The following CACNA1A variants were observed in gnomAD, a reference collection of about 807,000 sequenced individuals.
CACNA1A encodes the protein calcium voltage-gated channel subunit alpha1 A.
In CACNA1A, 57 loss-of-function variants were observed where a neutral mutation model predicts 262.4. The observed-to-expected ratio is 0.22, with a 90% CI of 0.18 to 0.27. CACNA1A has a LOEUF of 0.27. Among genes scored for constraint, CACNA1A ranks in the 10% least tolerant of loss-of-function variants. The pLI is 1.00. For synonymous variants in CACNA1A, 1,431 were observed against 1,419.3 expected, an observed-to-expected ratio of 1.01 and a Z score of -0.18; for missense variants, 2,526 against 3,562.8, an observed-to-expected ratio of 0.71 and a Z score of 7.41.
At chr19:13,230,252 C>T (rs758038129) in intron 35 of CACNA1A, 43 bp from the exon 36 acceptor site, 34 of 1,608,868 alleles carry the variant, frequency 2.1e-5, no homozygotes, top group African/African-American at 4.0e-5. Context: ...GGGCAGAGAC[C>T]GAGGGAATGA....
rs935034457 is a variant in CACNA1A, at chr19:13,308,988, CTTAT to C, written c.1669-464_1669-461del. On this transcript the variant is annotated intron_variant, in intron 12 of 46. Coordinates refer to ENST00000360228, the MANE Select transcript of CACNA1A (RefSeq NM_001127222.2). This position sits in a 1 kb window ranked among gnomAD's most constrained non-coding sequence, Gnocchi z 4.2. ...AGCATTGAGCCACTGCACCCGGCCT[CTTAT>C]TTATTTATTTATTTTTATTTATTCA... 4.0e-5 allele frequency among the ~76,000 whole-genome samples: 6 copies of C among 151,834 alleles called. No homozygotes were observed. The highest frequency in any genetic ancestry group is 4.2e-4 in the South Asian group (2 of 4,798).
At chr19:13,263,147 C>T (rs2056777406) in intron 24 of CACNA1A, 4 of 296,816 alleles carry the variant, frequency 1.3e-5, no homozygotes, top group East Asian at 7.3e-5. Context: ...GGCTGATTCC[C>T]CACCCCCATT....
intron 3 of CACNA1A, among the ~76,000 whole-genome samples, chr19:13,429,196 A>G (rs1260984935): frequency 1.3e-5 from 2 of 151,152 alleles, no homozygotes; most frequent in Non-Finnish European, 2.9e-5. Context: ...ACACACACAC[A>G]CACACACACA....
At chr19:13,462,304 T>C (rs2061137705) in intron 1 of CACNA1A, among the ~76,000 whole-genome samples, 1 of 152,174 alleles carries the variant, frequency 6.6e-6, no homozygotes, top group African/African-American at 2.4e-5. Context: ...AAACAGATAC[T>C]TGTAGCAGTT....
At chr19:13,317,048 A>C (rs2058141709) in intron 11 of CACNA1A, 64 bp downstream of exon 11, 1 of 1,031,660 alleles carries the variant, frequency 9.7e-7, no homozygotes, top group Admixed American at 2.0e-5. Flanking sequence ...GAGAAAGAGA[A>C]GTGGAAAAAG....
At chr19:13,450,170 G>A (rs1302441573) in intron 3 of CACNA1A, among the ~76,000 whole-genome samples, 2 of 147,284 alleles carry the variant, frequency 1.4e-5, no homozygotes, top group Non-Finnish European at 3.0e-5. Context: ...AAAGAGAAAG[G>A]TTGTGTTTTG....
chr19:13,353,771 T>C (rs1472938372), intron 6 of CACNA1A, among the ~76,000 whole-genome samples: 1 of 152,184 alleles, frequency 6.6e-6, no homozygotes, highest in Non-Finnish European at 1.5e-5. Flanking sequence ...GCTGCCACTG[T>C]TCTCCATGCT....
At chr19:13,257,090 T>G in intron 28 of CACNA1A, 1 of 291,418 alleles carries the variant, frequency 3.4e-6, no homozygotes, top group Non-Finnish European at 6.4e-6. Context: ...ATAAGTCCCT[T>G]TGTGGATATT....
rs1568465606 is a variant in CACNA1A, at chr19:13,255,186, T to C, written c.4664A>G (p.Gln1555Arg). ...RHMPQNKQSFQYRMWQFVVSP... is the reference protein window; with the variant it reads ...RHMPQNKQSFRYRMWQFVVSP... ...CACCACGAACTGCCACATGCGGTAC[T>C]GGAAGCTCTGCTTGTTCTGCGGCAT... Residue 1555 changes from glutamine (Q) to arginine (R), a missense_variant, in exon 29 of 47, where the codon CAG (glutamine) becomes CGG (arginine). Around this residue, in one of 17 missense-constraint regions of CACNA1A, gnomAD observed 36 missense variants for 47.3 expected, o/e 0.76. Coordinates refer to ENST00000360228, the MANE Select transcript of CACNA1A (RefSeq NM_001127222.2). 1 of 1,613,686 alleles carries C rather than the reference T, an allele frequency of 6.2e-7. No homozygotes were observed. The highest frequency in any genetic ancestry group is 8.5e-7 in the Non-Finnish European group (1 of 1,179,626).
chr19:13,403,702 G>A (rs1275659844), intron 3 of CACNA1A, among the ~76,000 whole-genome samples: 8 of 152,118 alleles, frequency 5.3e-5, no homozygotes, highest in Non-Finnish European at 1.2e-4. Context: ...TTGGAAGGCC[G>A]AGGTGGGGGG....
At chr19:13,284,364 A>G (rs2057356556) in intron 21 of CACNA1A, 1 of 152,260 alleles carries the variant, frequency 6.6e-6, no homozygotes, top group Non-Finnish European at 1.5e-5. Flanking sequence ...ACTTTTATTT[A>G]TTACTACCCA....
intron 1 of CACNA1A, among the ~76,000 whole-genome samples, chr19:13,489,003 CTT>C (rs896790084): frequency 3.0e-3 from 228 of 75,208 alleles, no homozygotes; most frequent in African/African-American, 0.014. Flanking sequence ...CTTTTCTTTT[CTT>C]TTTTTTTTTT....
intron 6 of CACNA1A, among the ~76,000 whole-genome samples, chr19:13,357,418 C>G (rs1334212301): frequency 6.6e-6 from 1 of 152,188 alleles, no homozygotes; most frequent in African/African-American, 2.4e-5. Flanking sequence ...CGGGTCAGGC[C>G]AACCGCTGGC....
chr19:13,406,512 T>C (rs1188361056), intron 3 of CACNA1A, among the ~76,000 whole-genome samples: 1 of 100,192 alleles, frequency 1.0e-5, no homozygotes, highest in Non-Finnish European at 2.0e-5. Flanking sequence ...TATATATATA[T>C]GAAGGGAATC....
rs548134311 is a variant in CACNA1A at position 13,230,821 on chromosome 19, AAGAG to A, written c.5401-616_5401-613del. Among the ~76,000 whole-genome samples, 87 of 151,392 alleles carry A rather than the reference AAGAG, an allele frequency of 5.7e-4. 1 individual carries two copies. The highest frequency in any genetic ancestry group is 1.8e-3 in the African/African-American group (73 of 41,212). On this transcript the variant is annotated intron_variant, in intron 35 of 46. Coordinates refer to ENST00000360228, the MANE Select transcript of CACNA1A (RefSeq NM_001127222.2). ...GACTCCATTTCAAAGAAAAAAAAAA[AAGAG>A]AGAGAGAGACAAAGACCAAGAATGA...
intron 6 of CACNA1A, among the ~76,000 whole-genome samples, chr19:13,352,262 C>T (rs1189945174): frequency 6.6e-6 from 1 of 152,042 alleles, no homozygotes; most frequent in Non-Finnish European, 1.5e-5. Context: ...AAAAAATTAG[C>T]TGACCATGCT....
chr19:13,291,920 C>A (rs2057548158), intron 19 of CACNA1A, among the ~76,000 whole-genome samples: 2 of 152,190 alleles, frequency 1.3e-5, no homozygotes, highest in South Asian at 4.1e-4. Flanking sequence ...AGTCCAGCAT[C>A]TCTCTTCCTG....
At chr19:13,361,231 G>A (rs940613135) in intron 5 of CACNA1A, among the ~76,000 whole-genome samples, 1 of 152,176 alleles carries the variant, frequency 6.6e-6, no homozygotes, top group Non-Finnish European at 1.5e-5. Context: ...ATAGCAGGAG[G>A]CAGGCTGTGA....
At chr19:13,258,681 A>T (rs2144753714) in intron 27 of CACNA1A, 1 of 152,118 alleles carries the variant, frequency 6.6e-6, no homozygotes, top group African/African-American at 2.4e-5. Flanking sequence ...AGGTTGGCAT[A>T]TTTGCTGAGA....
Sources: allele counts gnomAD v4.1 joint callset (sites outside exome capture counted in the v4.1 genomes callset), GRCh38; gene constraint gnomAD v4.1.1; regional missense constraint gnomAD v4.1.1; non-coding constraint Gnocchi (gnomAD v3.1); transcripts MANE v1.5; gene names NCBI Gene and HGNC (gene_info 2026-07-23, HGNC 2026-07-21).